Variants in ZNF654 observed in about 807,000 individuals in gnomAD.
ZNF654 encodes the protein melanoma-associated antigen.
ZNF654 carries 19 observed loss-of-function variants against 95.3 expected under a neutral mutation model. The ratio of observed to expected loss-of-function variants is 0.20; its 90% CI spans 0.14 to 0.29. The LOEUF (loss-of-function observed/expected upper bound fraction) is 0.29. Among genes scored for constraint, ZNF654 ranks in the 10% least tolerant of loss-of-function variants. The pLI is 1.00. For missense variants in ZNF654, 1,046 were observed against 1,341.0 expected (o/e 0.78, Z 3.44); for synonymous variants, 413 against 457.9 (o/e 0.90, Z 1.25).
chr3:88,110,269 A>G (rs1044692421), intron 2 of ZNF654, among the ~76,000 whole-genome samples: 1 of 152,084 alleles, frequency 6.6e-6, no homozygotes, highest in African/African-American at 2.4e-5. Context: ...TCAAACCCAA[A>G]CAGCTAGACC....
intron 3 of ZNF654, among the ~76,000 whole-genome samples, chr3:88,123,011 C>CAAA (rs1289535548): frequency 1.3e-5 from 1 of 76,144 alleles, no homozygotes; most frequent in African/African-American, 4.4e-5. Context: ...CTCTGAGTCT[C>CAAA]AAAAAAAAAA....
At position 88,133,624 on chromosome 3, in the gene ZNF654, A is replaced by T. The variant is rs143489347; in HGVS notation, c.894-1437A>T. On this transcript the variant is annotated intron_variant, in intron 6 of 8. Coordinates refer to ENST00000636215, the MANE Select transcript of ZNF654 (RefSeq NM_001350134.2). The stretch of plus-strand genomic sequence containing the variant: ...CATAAACAAAAGTGAGAATAAATGA[A>T]GCAGTTTAGCTGAGAGTTAGGAGTT... Among the ~76,000 whole-genome samples, 11 of 152,306 alleles carry T rather than the reference A, an allele frequency of 7.2e-5. No homozygotes were observed. In the East Asian group the frequency reaches 1.5e-3, roughly 21 times the overall value.
chr3:88,108,485 A>G (rs1704882390), intron 2 of ZNF654, among the ~76,000 whole-genome samples: 1 of 152,146 alleles, frequency 6.6e-6, no homozygotes, highest in Admixed American at 6.6e-5. Flanking sequence ...CCCATAGTCA[A>G]CCATGGTCCA....
intron 1 of ZNF654, among the ~76,000 whole-genome samples, chr3:88,082,848 T>A (rs1458676458): frequency 2.0e-5 from 3 of 152,192 alleles, no homozygotes; most frequent in Non-Finnish European, 2.9e-5. Flanking sequence ...AGAAATTTAT[T>A]TTCTCACAGT....
intron 1 of ZNF654, among the ~76,000 whole-genome samples, chr3:88,080,489 A>G (rs911904914): frequency 1.2e-4 from 18 of 152,102 alleles, no homozygotes; most frequent in African/African-American, 3.9e-4. Context: ...CCTGTGATTA[A>G]AGTGATATTA....
chr3:88,108,270 A>G (rs1704867612), intron 2 of ZNF654, among the ~76,000 whole-genome samples: 1 of 152,086 alleles, frequency 6.6e-6, no homozygotes, highest in Non-Finnish European at 1.5e-5. Context: ...CAGTCTAGAA[A>G]TGTGGGGAAG....
In ZNF654 at chr3:88,113,131, C is replaced by T. The variant is rs1162670572; in HGVS notation, c.349C>T (p.Leu117=). The change falls in exon 3 of 9, where the codon CTG becomes TTG. Residue 117 remains leucine (L), a synonymous_variant. Transcript: ENST00000636215. ...SSLAVSFFEL[L]LFFGRDEFYE... ...TCTTTCTAGGAGTTTCTTTGAGTTG[C>T]TGCTGTTCTTTGGAAGAGATGAGTT... is the stretch of plus-strand genomic sequence containing the variant. The T allele has an allele frequency of 2.0e-6, 3 of 1,532,964 alleles. No homozygotes were observed. The highest frequency in any genetic ancestry group is 2.5e-5 in the East Asian group (1 of 40,742). The allele number at this position is 1,532,964 out of a possible 1,614,324, so 95.0% of individuals were successfully genotyped here. A position where few individuals can be genotyped will look rare whatever the true frequency, so the allele number is the denominator to read the frequency against.
At chr3:88,111,684 T>C (rs1405271724) in intron 2 of ZNF654, among the ~76,000 whole-genome samples, 2 of 152,038 alleles carry the variant, frequency 1.3e-5, no homozygotes, top group Admixed American at 1.3e-4. Flanking sequence ...CTTATATATG[T>C]ATATTTCGAG....
intron 1 of ZNF654, among the ~76,000 whole-genome samples, chr3:88,083,603 C>T (rs1708190398): frequency 1.3e-5 from 2 of 152,098 alleles, no homozygotes. Flanking sequence ...TTATGCTCTT[C>T]AAAATGAGAA....
intron 1 of ZNF654, among the ~76,000 whole-genome samples, chr3:88,061,098 G>A (rs1262407112): frequency 6.6e-6 from 1 of 152,144 alleles, no homozygotes; most frequent in Non-Finnish European, 1.5e-5. Context: ...CAGAGCACTT[G>A]TTTTGTAACT....
chr3:88,059,524 G>A lies in ZNF654; in HGVS notation c.186+19G>A. The A allele has an allele frequency of 6.9e-7, 1 of 1,459,492 alleles. No homozygotes were observed. Among genetic ancestry groups the A allele is most frequent in the Non-Finnish European group, 9.0e-7 (1 of 1,113,762 alleles). The allele number at this position is 1,459,492 out of a possible 1,614,324, so 90.4% of individuals were successfully genotyped here. On this transcript the variant is annotated intron_variant, in intron 1 of 8. Transcript: ENST00000636215. The stretch of plus-strand genomic sequence containing the variant: ...CTGTCAGGTGAGGCGTCCGTTGGCC[G>A]CCCCGACTTGTCACCCGGGTCCTGG...
At chr3:88,133,592 C>T (rs1048258046) in intron 6 of ZNF654, among the ~76,000 whole-genome samples, 2 of 152,040 alleles carry the variant, frequency 1.3e-5, no homozygotes, top group African/African-American at 4.8e-5. Context: ...CCAAATATAG[C>T]AGTCAGCATA....
At chr3:88,116,312 G>A (rs1476313928) in intron 3 of ZNF654, among the ~76,000 whole-genome samples, 2 of 152,100 alleles carry the variant, frequency 1.3e-5, no homozygotes, top group African/African-American at 2.4e-5. Context: ...CCTGAGGGTG[G>A]GAACTCGAGA....
chr3:88,088,050 C>T (rs2107667843), intron 2 of ZNF654, among the ~76,000 whole-genome samples: 1 of 152,286 alleles, frequency 6.6e-6, no homozygotes, highest in African/African-American at 2.4e-5. Flanking sequence ...ATTTCTAATT[C>T]TGAGCATTTC....
chr3:88,069,831 T>C (rs1707408267), intron 1 of ZNF654, among the ~76,000 whole-genome samples: 1 of 152,214 alleles, frequency 6.6e-6, no homozygotes, highest in Non-Finnish European at 1.5e-5. Flanking sequence ...TATTATCTTG[T>C]GTTTTGAAAG....
At chr3:88,138,424 A>G (rs1173697801) in intron 7 of ZNF654, among the ~76,000 whole-genome samples, 11 of 143,768 alleles carry the variant, frequency 7.7e-5, no homozygotes, top group Non-Finnish European at 1.4e-4. Flanking sequence ...ATGAATCACC[A>G]TAAGTCCATT....
intron 3 of ZNF654, among the ~76,000 whole-genome samples, chr3:88,118,186 G>A (rs973916672): frequency 3.3e-5 from 5 of 152,014 alleles, no homozygotes; most frequent in Non-Finnish European, 5.9e-5. Context: ...TATATAAGTC[G>A]CAAAGATCTT....
chr3:88,074,602 A>G (rs1707698519), intron 1 of ZNF654, among the ~76,000 whole-genome samples: 1 of 152,120 alleles, frequency 6.6e-6, no homozygotes, highest in South Asian at 2.1e-4. Context: ...TCGGCCTTCC[A>G]AAGTGCTGGA....
rs1707080529 is a variant in ZNF654 at position 88,140,789 on chromosome 3, C to T, written c.3120C>T (p.Gly1040=). 1 of 1,613,554 alleles carries T rather than the reference C, an allele frequency of 6.2e-7. No homozygotes were observed. The highest frequency in any genetic ancestry group is 8.5e-7 in the Non-Finnish European group (1 of 1,179,708). Reference sequence around the variant, plus strand: ...TGACAAGTGAACATACTTCATATGGCTTAATTTTAACAAAACCATACGTCA... The same window carrying T: ...TGACAAGTGAACATACTTCATATGGTTTAATTTTAACAAAACCATACGTCA... The part of the protein sequence containing the change: ...PNLTSEHTSY[G]LILTKPYVRP... The change falls in exon 8 of 9, where the codon GGC becomes GGT. Residue 1040 remains glycine, a synonymous_variant. Transcript: ENST00000636215.
Sources: gnomAD v4.1 joint callset for allele counts (sites outside exome capture counted in the v4.1 genomes callset) on GRCh38, gnomAD v4.1.1 for gene constraint, MANE v1.5 for transcripts, NCBI Gene and HGNC (gene_info 2026-07-23, HGNC 2026-07-21) for gene names.